The following MYO1G variants were observed in gnomAD, a reference collection of about 807,000 sequenced individuals.
MYO1G encodes the protein myosin IG.
Under a neutral mutation model 115.3 loss-of-function variants are expected in MYO1G, and 65 were observed. That is an observed-to-expected ratio of 0.56 (90% CI 0.46 to 0.69). The LOEUF is 0.69. MYO1G is among the 30% of genes least tolerant of loss of function. The probability of loss-of-function intolerance (pLI) is 0.00; values close to 1 mark genes in which losing one functional copy is unlikely to be tolerated. For synonymous variants in MYO1G, 510 were observed against 552.6 expected (o/e 0.92, Z 1.08); for missense variants, 1,204 against 1,393.5 (o/e 0.86, Z 2.16).
At position 44,965,826 on chromosome 7, in the gene MYO1G, C is replaced by T. The variant is rs760385721; in HGVS notation, c.2192G>A (p.Arg731Gln). Reference protein sequence around the residue: ...WRGTLARWRCRRLRAIYTIMR... With the variant: ...WRGTLARWRCQRLRAIYTIMR... ...GATGGTGTAGATAGCCCTCAGCCTCCGGCAGCGCCACCTCGCCAAGGTGCC... is the reference window on the plus strand; with the variant it reads ...GATGGTGTAGATAGCCCTCAGCCTCTGGCAGCGCCACCTCGCCAAGGTGCC... Residue 731 changes from arginine to glutamine, a missense_variant, in exon 17 of 22, where the codon CGG (arginine) becomes CAG (glutamine). Coordinates refer to ENST00000258787, the MANE Select transcript of MYO1G (RefSeq NM_033054.3). 48 of 1,599,942 alleles carry T rather than the reference C, an allele frequency of 3.0e-5. No individual in the cohort carries two copies. The highest frequency in any genetic ancestry group is 1.8e-4 in the Middle Eastern group (1 of 5,668).
At position 44,966,005 on chromosome 7, in the gene MYO1G, T is replaced by C. The variant is rs1794834529; in HGVS notation, c.2157+68A>G. 1 of 1,580,950 alleles carries C rather than the reference T, an allele frequency of 6.3e-7. No homozygotes were observed. Among genetic ancestry groups the C allele is most frequent in the African/African-American group, 1.3e-5 (1 of 74,580 alleles). On this transcript the variant is annotated intron_variant, in intron 16 of 21. Coordinates refer to ENST00000258787, the MANE Select transcript of MYO1G (RefSeq NM_033054.3). This position sits in a 1 kb window ranked among gnomAD's most constrained non-coding sequence, Gnocchi z 5.0. ...ACTCCTGTGAAACTTACAAGTGTGT[T>C]TGTGGCCCCTGGGACACAAGCTTTC...
chr7:44,963,904 C>T lies in MYO1G; in HGVS notation c.2745+145G>A. 1 of 684,664 alleles carries T rather than the reference C, an allele frequency of 1.5e-6. No individual in the cohort carries two copies. The highest frequency in any genetic ancestry group is 2.5e-6 in the Non-Finnish European group (1 of 399,604). 42.4% of individuals were successfully genotyped at this position (684,664 alleles called of 1,614,324 possible). ...GCGTGGGAAGCCACTGCAGGATTTT[C>T]AGCACGGGTGCCACCATCGCTGAGT... On this transcript the variant is annotated intron_variant, in intron 20 of 21. Transcript: ENST00000258787. The surrounding 1 kb of genome is among the most constrained non-coding windows in gnomAD (Gnocchi z 4.1).
In MYO1G at chr7:44,965,019, C is replaced by T. The variant is rs753134009; in HGVS notation, c.2452G>A (p.Ala818Thr). ...DMPQIKAKVA[A>T]MGALQGLRQD... ...CGAAGCCCTTGCAGGGCCCCCATGGCGGCCACCTTGGCCTTGATCTGGGGC... is the reference window on the plus strand; with the variant it reads ...CGAAGCCCTTGCAGGGCCCCCATGGTGGCCACCTTGGCCTTGATCTGGGGC... Residue 818 changes from alanine (A) to threonine (T), a missense_variant, in exon 18 of 22, where the codon GCC becomes ACC. Physicochemically the swap from Ala to Thr is moderately conservative, Grantham distance 58 (BLOSUM62 0). Transcript: ENST00000258787. 6.2e-6 allele frequency: 10 copies of T among 1,611,466 alleles called. No individual in the cohort carries two copies. The highest frequency in any genetic ancestry group is 7.6e-6 in the Non-Finnish European group (9 of 1,178,594).
chr7:44,966,405 C>A lies in MYO1G; in HGVS notation c.1950-125G>T. On this transcript the variant is annotated intron_variant, in intron 15 of 21. Coordinates refer to ENST00000258787, the MANE Select transcript of MYO1G (RefSeq NM_033054.3). This position sits in a 1 kb window ranked among gnomAD's most constrained non-coding sequence, Gnocchi z 5.0. ...GTGTGTTCCTGGAGCACTTATGACA[C>A]CTGTGCACATATGTCTTCCCATACA... 1.1e-6 allele frequency: 1 copy of A among 909,326 alleles called. No individual in the cohort carries two copies. Among genetic ancestry groups the A allele is most frequent in the South Asian group, 1.4e-5 (1 of 69,202 alleles). 56.3% of individuals were successfully genotyped at this position (909,326 alleles called of 1,614,324 possible).
In MYO1G at chr7:44,964,331, CA is replaced by C; in HGVS notation, c.2631+83del. 1.4e-6 allele frequency: 2 copies of C among 1,442,694 alleles called. No homozygotes were observed. The highest frequency in any genetic ancestry group is 2.3e-5 in the East Asian group (1 of 43,728). The allele number at this position is 1,442,694 out of a possible 1,614,324, so 89.4% of individuals were successfully genotyped here. A position where few individuals can be genotyped will look rare whatever the true frequency, so the allele number is the denominator to read the frequency against. On this transcript the variant is annotated intron_variant, in intron 19 of 21. Coordinates refer to ENST00000258787, the MANE Select transcript of MYO1G (RefSeq NM_033054.3). The surrounding 1 kb of genome is among the most constrained non-coding windows in gnomAD (Gnocchi z 5.1). ...CTCCATTTTCTCCCAAGTGCCCCCC[CA>C]AAACTCTGCACCAGCTTCTAACCTT...
At position 44,964,708 on chromosome 7, in the gene MYO1G, A is replaced by G. The variant is rs1418861681; in HGVS notation, c.2527-189T>C. On this transcript the variant is annotated intron_variant, in intron 18 of 21. Coordinates refer to ENST00000258787, the MANE Select transcript of MYO1G (RefSeq NM_033054.3). This position sits in a 1 kb window ranked among gnomAD's most constrained non-coding sequence, Gnocchi z 5.1. ...ACAGAGCCCTCTTGTGTTGACTTCT[A>G]GGCTGCATCTGAGCCTGGCCCTCCT... is the stretch of plus-strand genomic sequence containing the variant. 6.6e-6 allele frequency among the ~76,000 whole-genome samples: 1 copy of G among 152,076 alleles called. No homozygotes were observed. The highest frequency in any genetic ancestry group is 1.5e-5 in the Non-Finnish European group (1 of 67,992).
At position 44,967,600 on chromosome 7, in the gene MYO1G, C is replaced by A; in HGVS notation, c.1782+5G>T. ...CAGCCAGAGTGGGAGAGGGGTGGAACATACCTTGGAGGCAAGGTTCTCCAC... is the reference window on the plus strand; with the variant it reads ...CAGCCAGAGTGGGAGAGGGGTGGAAAATACCTTGGAGGCAAGGTTCTCCAC... On this transcript the variant is annotated splice_donor_5th_base_variant and intron_variant, in intron 14 of 21. Transcript: ENST00000258787. The A allele has an allele frequency of 1.2e-6, 2 of 1,613,810 alleles. No individual in the cohort carries two copies. The highest frequency in any genetic ancestry group is 2.2e-5 in the East Asian group (1 of 44,892).
At chr7:44,975,723 TTC>T (rs1346694731) in intron 3 of MYO1G, 74 bp from the exon 4 acceptor site, 1 of 1,426,288 alleles carries the variant, frequency 7.0e-7, no homozygotes, top group African/African-American at 1.4e-5. Flanking sequence ...CCCCTGAGTC[TTC>T]CCAACAGAAA....
chr7:44,978,280 T>C (rs969979567), intron 1 of MYO1G, among the ~76,000 whole-genome samples: 1 of 152,138 alleles, frequency 6.6e-6, no homozygotes, highest in Non-Finnish European at 1.5e-5. Flanking sequence ...TCCTTGATGG[T>C]AAATTGGGCT....
Position 44,964,376 on chromosome 7 carries a change from A to C in MYO1G, c.2631+39T>G. 1 of 1,574,942 alleles carries C rather than the reference A, an allele frequency of 6.3e-7. No individual in the cohort carries two copies. Among genetic ancestry groups the C allele is most frequent in the Non-Finnish European group, 8.7e-7 (1 of 1,145,118 alleles). On this transcript the variant is annotated intron_variant, in intron 19 of 21. Coordinates refer to ENST00000258787, the MANE Select transcript of MYO1G (RefSeq NM_033054.3). The surrounding 1 kb of genome is among the most constrained non-coding windows in gnomAD (Gnocchi z 5.1). ...TAACCTTGCAGACGTGGCTAGAAAA[A>C]GAGCACAGCCCTGAAGCCATCCTTG...
At chr7:44,976,693 G>T (rs753161491) in intron 2 of MYO1G, 36 bp from the exon 3 acceptor site, 2 of 1,612,060 alleles carry the variant, frequency 1.2e-6, no homozygotes, top group South Asian at 2.2e-5. Context: ...AATCAGCCAG[G>T]TTCGCTCTCT....
chr7:44,971,497 T>G (rs558979511), intron 7 of MYO1G, among the ~76,000 whole-genome samples, 176 bp downstream of exon 7: 2 of 152,320 alleles, frequency 1.3e-5, no homozygotes, highest in African/African-American at 4.8e-5. Flanking sequence ...GAATGGGGTC[T>G]GGACCATGTA....
Position 44,964,355 on chromosome 7 carries a change from C to T in MYO1G, c.2631+60G>A. 1 of 1,526,576 alleles carries T rather than the reference C, an allele frequency of 6.6e-7. No individual in the cohort carries two copies. The highest frequency in any genetic ancestry group is 9.1e-7 in the Non-Finnish European group (1 of 1,101,464). 94.6% of individuals were successfully genotyped at this position (1,526,576 alleles called of 1,614,324 possible). On this transcript the variant is annotated intron_variant, in intron 19 of 21. Transcript: ENST00000258787. The surrounding 1 kb of genome is among the most constrained non-coding windows in gnomAD (Gnocchi z 5.1). ...CCAAAACTCTGCACCAGCTTCTAAC[C>T]TTGCAGACGTGGCTAGAAAAAGAGC...
Position 44,964,959 on chromosome 7 carries a change from C to T in MYO1G, c.2512G>A (p.Asp838Asn), listed in dbSNP as rs779744480. 31 of 1,596,286 alleles carry T rather than the reference C, an allele frequency of 1.9e-5. No homozygotes were observed. The highest frequency in any genetic ancestry group is 2.6e-5 in the Non-Finnish European group (30 of 1,167,720). Reference protein sequence around the residue: ...DWGCRRAWARDYLSSATDNPT... With the variant: ...DWGCRRAWARNYLSSATDNPT... ...CTGGCACTTACAGAGGACAGGTAGT[C>T]TCGGGCCCAGGCCCGTCGGCAGCCC... Residue 838 changes from aspartate (D) to asparagine (N), a missense_variant, in exon 18 of 22, where the codon GAC becomes AAC. By Grantham distance (23) the Asp-to-Asn change is conservative (BLOSUM62 1). Coordinates refer to ENST00000258787, the MANE Select transcript of MYO1G (RefSeq NM_033054.3). The surrounding 1 kb of genome is among the most constrained non-coding windows in gnomAD (Gnocchi z 5.1).
rs1377175156 is a variant in MYO1G at position 44,965,866 on chromosome 7, T to G, written c.2158-6A>C. 1 of 1,597,396 alleles carries G rather than the reference T, an allele frequency of 6.3e-7. No individual in the cohort carries two copies. Among genetic ancestry groups the G allele is most frequent in the Non-Finnish European group, 8.5e-7 (1 of 1,179,244 alleles). ...GCCAAGGTGCCCCGCCATGCCTGGG[T>G]GGGCCAGGTGGGATGGGATACGCAG... On this transcript the variant is annotated splice_region_variant and splice_polypyrimidine_tract_variant and intron_variant, in intron 16 of 21. Transcript: ENST00000258787.
At chr7:44,974,851 T>A (rs958903475) in intron 5 of MYO1G, 1 of 426,606 alleles carries the variant, frequency 2.3e-6, no homozygotes, top group African/African-American at 2.0e-5. Flanking sequence ...AGACACTGCC[T>A]GTAATCCCAG....
At chr7:44,971,548 A>G (rs1794957859) in intron 7 of MYO1G, 125 bp downstream of exon 7, 1 of 677,488 alleles carries the variant, frequency 1.5e-6, no homozygotes, top group Non-Finnish European at 2.5e-6. Flanking sequence ...CTTCTGCAGG[A>G]GAGGCAGTCA....
In MYO1G at chr7:44,963,951, T is replaced by A; in HGVS notation, c.2745+98A>T. The stretch of plus-strand genomic sequence containing the variant: ...GAGTTTTAGGATGGTCTGGGCCATC[T>A]CAGGTAAACAGGGGAGAGAAGACTG... On this transcript the variant is annotated intron_variant, in intron 20 of 21. Transcript: ENST00000258787. This position sits in a 1 kb window ranked among gnomAD's most constrained non-coding sequence, Gnocchi z 4.1. 9.8e-7 allele frequency: 1 copy of A among 1,015,406 alleles called. No individual in the cohort carries two copies. Among genetic ancestry groups the A allele is most frequent in the Non-Finnish European group, 1.5e-6 (1 of 675,878 alleles). The allele number at this position is 1,015,406 out of a possible 1,614,324, so 62.9% of individuals were successfully genotyped here. A position where few individuals can be genotyped will look rare whatever the true frequency, so the allele number is the denominator to read the frequency against.
Position 44,964,729 on chromosome 7 carries a change from C to G in MYO1G, c.2527-210G>C, listed in dbSNP as rs1489450481. Among the ~76,000 whole-genome samples, 1 of 152,178 alleles carries G rather than the reference C, an allele frequency of 6.6e-6. No individual in the cohort carries two copies. Among genetic ancestry groups the G allele is most frequent in the African/African-American group, 2.4e-5 (1 of 41,438 alleles). On this transcript the variant is annotated intron_variant, in intron 18 of 21. Coordinates refer to ENST00000258787, the MANE Select transcript of MYO1G (RefSeq NM_033054.3). The surrounding 1 kb of genome is among the most constrained non-coding windows in gnomAD (Gnocchi z 5.1). ...TTCTAGGCTGCATCTGAGCCTGGCC[C>G]TCCTGTCATCCACACCCACCCCCGA... is the stretch of plus-strand genomic sequence containing the variant.
Sources: allele counts gnomAD v4.1 joint callset (sites outside exome capture counted in the v4.1 genomes callset), GRCh38; gene constraint gnomAD v4.1.1; non-coding constraint Gnocchi (gnomAD v3.1); transcripts MANE v1.5; gene names NCBI Gene and HGNC (gene_info 2026-07-23, HGNC 2026-07-21).